PIGU: variants seen among roughly 807,000 people sequenced by gnomAD.
The protein encoded by PIGU is phosphatidylinositol glycan anchor biosynthesis class U, also known as GPI-anchor transamidase component PIGU.
Under a neutral mutation model 49.9 loss-of-function variants are expected in PIGU, and 24 were observed. The observed-to-expected ratio is 0.48, with a 90% confidence interval of 0.35 to 0.68. The LOEUF is 0.68. PIGU is among the 30% of genes least tolerant of loss of function. PIGU has a pLI of 0.01. For synonymous variants in PIGU, 220 were observed against 205.7 expected (o/e 1.07, Z -0.59); for missense variants, 490 against 532.6 (o/e 0.92, Z 0.79).
chr20:34,629,376 T>TC (rs1985615338), intron 6 of PIGU, among the ~76,000 whole-genome samples: 1 of 152,180 alleles, frequency 6.6e-6, no homozygotes, highest in Non-Finnish European at 1.5e-5. Flanking sequence ...ACCAGGAACT[T>TC]AAAAAGTGCA....
intron 7 of PIGU, among the ~76,000 whole-genome samples, chr20:34,590,633 TAACAC>T (rs1213219330): frequency 6.0e-4 from 87 of 144,170 alleles, no homozygotes; most frequent in Middle Eastern, 3.6e-3. Flanking sequence ...TAACATAACA[TAACAC>T]AACAACAAAA....
chr20:34,661,292 G>T (rs989268568), intron 1 of PIGU, among the ~76,000 whole-genome samples: 1 of 152,082 alleles, frequency 6.6e-6, no homozygotes, highest in Non-Finnish European at 1.5e-5. Flanking sequence ...GGTTTGGAGT[G>T]CAGATAATCT....
intron 1 of PIGU, among the ~76,000 whole-genome samples, chr20:34,658,192 G>A (rs1288775303): frequency 6.6e-6 from 1 of 152,348 alleles, no homozygotes; most frequent in Non-Finnish European, 1.5e-5. Context: ...ACGGGGTTTC[G>A]CTGTGTTGGC....
chr20:34,598,092 C>T (rs1167653100), intron 7 of PIGU, among the ~76,000 whole-genome samples: 1 of 152,060 alleles, frequency 6.6e-6, no homozygotes, highest in Non-Finnish European at 1.5e-5. Flanking sequence ...GTCATAACCT[C>T]TGAGGTAGAG....
intron 1 of PIGU, among the ~76,000 whole-genome samples, chr20:34,661,488 T>C (rs933520067): frequency 3.3e-5 from 5 of 152,134 alleles, no homozygotes; most frequent in Non-Finnish European, 7.4e-5. Flanking sequence ...CTTGCATTAA[T>C]TTGCTTAGGA....
chr20:34,652,461 CT>C (rs1264898504), intron 2 of PIGU, among the ~76,000 whole-genome samples: 2 of 152,222 alleles, frequency 1.3e-5, no homozygotes, highest in Admixed American at 6.5e-5. Context: ...GTTTTCTACC[CT>C]TTGTTTCTAC....
intron 4 of PIGU, among the ~76,000 whole-genome samples, chr20:34,640,501 AC>A (rs1568653886): frequency 4.5e-5 from 1 of 22,154 alleles, no homozygotes; most frequent in African/African-American, 8.4e-5. Context: ...GCGCACGCGC[AC>A]ACACACACAC....
chr20:34,598,044 A>G (rs1277097572), intron 7 of PIGU, among the ~76,000 whole-genome samples: 2 of 152,142 alleles, frequency 1.3e-5, no homozygotes, highest in Non-Finnish European at 2.9e-5. Context: ...ATCACTATAT[A>G]TTTTTAAAAA....
At chr20:34,589,246 C>G (rs1456466481) in intron 7 of PIGU, among the ~76,000 whole-genome samples, 2 of 151,554 alleles carry the variant, frequency 1.3e-5, no homozygotes, top group Non-Finnish European at 2.9e-5. Flanking sequence ...TAATTGGAAC[C>G]TAAGAAACTT....
chr20:34,584,277 C>T (rs958409675), intron 9 of PIGU, among the ~76,000 whole-genome samples: 2 of 152,134 alleles, frequency 1.3e-5, no homozygotes, highest in African/African-American at 2.4e-5. Flanking sequence ...TCTAGAAAGG[C>T]ACCTGGAATG....
At chr20:34,626,303 CTTTTTT>C (rs368354750) in intron 6 of PIGU, among the ~76,000 whole-genome samples, 6 of 137,980 alleles carry the variant, frequency 4.3e-5, no homozygotes, top group African/African-American at 1.3e-4. Context: ...AAACTCCAAA[CTTTTTT>C]TTTTTTTTTT....
At position 34,576,465 on chromosome 20, in the gene PIGU, G is replaced by A. The variant is rs542680720; in HGVS notation, c.1052-1219C>T. On this transcript the variant is annotated intron_variant, in intron 10 of 11. Transcript: ENST00000217446. ...CTCACAGGCTAAAATCTCTAGAGGA[G>A]AACCCCTTGCTTGCCTTTTCCAGCA... Among the ~76,000 whole-genome samples the A allele has an allele frequency of 8.3e-4, 127 of 152,168 alleles. 1 individual carries two copies. The highest frequency in any genetic ancestry group is 2.9e-3 in the African/African-American group (121 of 41,530).
intron 3 of PIGU, among the ~76,000 whole-genome samples, chr20:34,644,985 G>A (rs1986285759): frequency 6.6e-6 from 1 of 152,010 alleles, no homozygotes; most frequent in Non-Finnish European, 1.5e-5. Flanking sequence ...TCAAAGTAAA[G>A]ACATAAGTTT....
At chr20:34,603,989 G>A (rs1984526150) in intron 7 of PIGU, among the ~76,000 whole-genome samples, 1 of 151,948 alleles carries the variant, frequency 6.6e-6, no homozygotes, top group Admixed American at 6.6e-5. Flanking sequence ...CTGCCTAAAG[G>A]GGACAGATCT....
chr20:34,646,174 C>A (rs911340732), intron 2 of PIGU, among the ~76,000 whole-genome samples: 4 of 152,082 alleles, frequency 2.6e-5, no homozygotes, highest in Non-Finnish European at 4.4e-5. Context: ...CCATCTCTGC[C>A]TGGATTTTCT....
intron 7 of PIGU, among the ~76,000 whole-genome samples, chr20:34,609,930 G>A (rs1324125444): frequency 2.0e-5 from 3 of 152,034 alleles, no homozygotes; most frequent in South Asian, 2.1e-4. Context: ...GTTTTATAAG[G>A]GTCTTTTCCC....
chr20:34,563,464 G>A (rs1019226935), intron 11 of PIGU, among the ~76,000 whole-genome samples: 1 of 152,208 alleles, frequency 6.6e-6, no homozygotes, highest in Non-Finnish European at 1.5e-5. Context: ...CTACTTGGGA[G>A]GCTGAAGGCA....
intron 1 of PIGU, among the ~76,000 whole-genome samples, chr20:34,665,253 G>A (rs1420338386): frequency 7.3e-6 from 1 of 136,522 alleles, no homozygotes; most frequent in Non-Finnish European, 1.5e-5. Context: ...GCCCAGGCTG[G>A]AGTGCAGTGG....
Position 34,655,401 on chromosome 20 carries a change from G to C in PIGU, c.195+1779C>G, listed in dbSNP as rs6141496. On this transcript the variant is annotated intron_variant, in intron 2 of 11. Coordinates refer to ENST00000217446, the MANE Select transcript of PIGU (RefSeq NM_080476.5). ...AGAACGGAAAGGGCAGTGGGACGCG[G>C]TGGCTCACGCCTGTAATCCCAGCAC... is the stretch of plus-strand genomic sequence containing the variant. Among the ~76,000 whole-genome samples, 522 of 120,752 alleles carry C rather than the reference G, an allele frequency of 4.3e-3. 118 individuals are homozygous for C. Among genetic ancestry groups the C allele is most frequent in the East Asian group, 0.012 (46 of 3,882 alleles). The allele number at this position is 120,752 out of a possible 152,430, so 79.2% of individuals were successfully genotyped here.
Sources: gnomAD v4.1 joint callset for allele counts (sites outside exome capture counted in the v4.1 genomes callset) on GRCh38, gnomAD v4.1.1 for gene constraint, MANE v1.5 for transcripts, NCBI Gene and HGNC (gene_info 2026-07-23, HGNC 2026-07-21) for gene names.